Variants in KIF2A observed in about 807,000 individuals in gnomAD.
KIF2A encodes kinesin-like protein KIF2A.
Under a neutral mutation model 100.2 loss-of-function variants are expected in KIF2A, and 22 were observed. The ratio of observed to expected loss-of-function variants is 0.22; its 90% CI spans 0.16 to 0.31. The LOEUF (loss-of-function observed/expected upper bound fraction) is 0.31. Among genes scored for constraint, KIF2A ranks in the 10% least tolerant of loss-of-function variants. The pLI is 1.00. For synonymous variants in KIF2A, 268 were observed against 285.9 expected (o/e 0.94, Z 0.63); for missense variants, 495 against 898.7 (o/e 0.55, Z 5.74).
intron 1 of KIF2A, among the ~76,000 whole-genome samples, chr5:62,314,346 C>T (rs1018280990): frequency 6.6e-6 from 1 of 151,952 alleles, no homozygotes; most frequent in Non-Finnish European, 1.5e-5. Context: ...TGACTGTAGC[C>T]CCAGCTACTC....
chr5:62,361,330 C>T lies in KIF2A; in HGVS notation c.961C>T (p.His321Tyr), dbSNP rs587777033. The T allele has an allele frequency of 6.3e-7, 1 of 1,595,036 alleles. No individual in the cohort carries two copies. The highest frequency in any genetic ancestry group is 1.7e-5 in the Admixed American group (1 of 59,090). ...AYGQTGSGKT[H>Y]TMGGDFSGKN... is the part of the protein sequence containing the mutation. The stretch of plus-strand genomic sequence containing the variant: ...TGGGCAGACTGGAAGTGGAAAAACT[C>T]ATGTAAGTAATTTATTAAAGTTACA... The change falls in exon 10 of 21, where the codon CAT (histidine) becomes TAT (tyrosine). Residue 321 changes from histidine (H) to tyrosine (Y), a missense_variant and splice_region_variant. His to Tyr is a moderately conservative substitution (Grantham distance 83). Transcript: ENST00000407818.
intron 14 of KIF2A, among the ~76,000 whole-genome samples, chr5:62,364,765 C>A (rs1263765170): frequency 6.6e-6 from 1 of 151,516 alleles, no homozygotes; most frequent in Admixed American, 6.6e-5. Context: ...TTTTTATTTT[C>A]TTGAATTAGC....
At chr5:62,317,969 G>A (rs1346754198) in intron 1 of KIF2A, among the ~76,000 whole-genome samples, 2 of 152,162 alleles carry the variant, frequency 1.3e-5, no homozygotes, top group East Asian at 1.9e-4. Context: ...AAATGCTATC[G>A]TAAGGATGTC....
At chr5:62,382,911 G>A (rs1459694976) in intron 20 of KIF2A, among the ~76,000 whole-genome samples, 1 of 150,866 alleles carries the variant, frequency 6.6e-6, no homozygotes, top group Non-Finnish European at 1.5e-5. Flanking sequence ...ACAGATGTGA[G>A]GCACCGAGCC....
rs1314218493 is a variant in KIF2A at position 62,385,728 on chromosome 5, G to T, written c.*159G>T. The T allele has an allele frequency of 3.3e-6, 2 of 601,658 alleles. No homozygotes were observed. The highest frequency in any genetic ancestry group is 5.6e-5 in the East Asian group (2 of 35,678). 37.3% of individuals were successfully genotyped at this position (601,658 alleles called of 1,614,324 possible). ...TTTCAATTTTGTGAAACACTCTTTT[G>T]TCTACAAAATGCTTCTAGTCCAGGA... is the stretch of plus-strand genomic sequence containing the variant. On this transcript the variant is annotated 3_prime_UTR_variant, in exon 21 of 21. Coordinates refer to ENST00000407818, the MANE Select transcript of KIF2A (RefSeq NM_001098511.3).
intron 1 of KIF2A, among the ~76,000 whole-genome samples, chr5:62,338,511 A>G (rs1172139042): frequency 2.0e-5 from 3 of 152,140 alleles, no homozygotes; most frequent in African/African-American, 7.2e-5. Context: ...GGTGGTCTCA[A>G]ACTCCTAATC....
chr5:62,362,196 C>T (rs1748446521), intron 11 of KIF2A: 1 of 158,634 alleles, frequency 6.3e-6, no homozygotes, highest in Non-Finnish European at 1.4e-5. Context: ...TTATGACCAC[C>T]TATAATTTTA....
intron 18 of KIF2A, among the ~76,000 whole-genome samples, chr5:62,376,388 A>G (rs189076827): frequency 3.8e-4 from 58 of 150,806 alleles, no homozygotes; most frequent in African/African-American, 1.4e-3. Flanking sequence ...GACACGCTCT[A>G]GAGATCGGAG....
chr5:62,364,422 A>G (rs913764910), intron 14 of KIF2A, among the ~76,000 whole-genome samples: 1 of 152,214 alleles, frequency 6.6e-6, no homozygotes, highest in Admixed American at 6.5e-5. Context: ...CTGGGATTAC[A>G]GGCGTGAGCC....
In KIF2A at chr5:62,310,525, G is replaced by C. The variant is rs983986335; in HGVS notation, c.64+3989G>C. The stretch of plus-strand genomic sequence containing the variant: ...AATCATTAGAATGACATCTTAGCTG[G>C]AAGTGAAACCTTCCATCTGTGCTCC... On this transcript the variant is annotated intron_variant, in intron 1 of 20. Transcript: ENST00000407818. 5.3e-5 allele frequency among the ~76,000 whole-genome samples: 8 copies of C among 152,076 alleles called. 1 individual carries two copies. The highest frequency in any genetic ancestry group is 4.6e-4 in the Admixed American group (7 of 15,262).
intron 6 of KIF2A, among the ~76,000 whole-genome samples, chr5:62,353,700 T>C (rs376999791): frequency 1.3e-5 from 2 of 152,166 alleles, no homozygotes; most frequent in African/African-American, 2.4e-5. Context: ...TAAAAATACA[T>C]TGGGAAAAAT....
Position 62,388,805 on chromosome 5 carries a change from C to T in KIF2A, c.*3236C>T. The T allele has an allele frequency of 1.7e-6, 1 of 584,204 alleles. No individual in the cohort carries two copies. Among genetic ancestry groups the T allele is most frequent in the South Asian group, 2.1e-5 (1 of 46,766 alleles). The allele number at this position is 584,204 out of a possible 1,614,324, so 36.2% of individuals were successfully genotyped here. Reference sequence around the variant, plus strand: ...GAAGATTATTATGAATAGATTGGACCAGCATTATATATTAAAAACTTTGAT... The same window carrying T: ...GAAGATTATTATGAATAGATTGGACTAGCATTATATATTAAAAACTTTGAT... On this transcript the variant is annotated 3_prime_UTR_variant, in exon 21 of 21. Coordinates refer to ENST00000407818, the MANE Select transcript of KIF2A (RefSeq NM_001098511.3).
chr5:62,384,741 A>C (rs766209260), intron 20 of KIF2A, among the ~76,000 whole-genome samples: 1 of 152,228 alleles, frequency 6.6e-6, no homozygotes, highest in Non-Finnish European at 1.5e-5. Flanking sequence ...ATCAAGAAAT[A>C]TATCATTTAG....
At chr5:62,375,354 T>C (rs1741494010) in intron 18 of KIF2A, among the ~76,000 whole-genome samples, 2 of 152,226 alleles carry the variant, frequency 1.3e-5, no homozygotes, top group African/African-American at 2.4e-5. Flanking sequence ...GCTTACTACA[T>C]GACATACATT....
chr5:62,369,118 TC>T (rs1741208240), intron 16 of KIF2A, among the ~76,000 whole-genome samples: 1 of 152,226 alleles, frequency 6.6e-6, no homozygotes, highest in South Asian at 2.1e-4. Context: ...ATCTAGCTGT[TC>T]CTCTAGTTCA....
At chr5:62,343,142 T>A (rs1246993273) in intron 1 of KIF2A, among the ~76,000 whole-genome samples, 1 of 152,176 alleles carries the variant, frequency 6.6e-6, no homozygotes, top group Admixed American at 6.5e-5. Flanking sequence ...CTCATCTGCT[T>A]CTCAGAGGAC....
Position 62,343,619 on chromosome 5 carries a change from T to A in KIF2A, c.65-3511T>A, listed in dbSNP as rs191125231. ...TTTGAGCAAAGGAGTAATATCTGACTCACTTTTTACCAGGAACATTTTGGC... is the reference window on the plus strand; with the variant it reads ...TTTGAGCAAAGGAGTAATATCTGACACACTTTTTACCAGGAACATTTTGGC... On this transcript the variant is annotated intron_variant, in intron 1 of 20. Coordinates refer to ENST00000407818, the MANE Select transcript of KIF2A (RefSeq NM_001098511.3). Among the ~76,000 whole-genome samples, 11 of 152,286 alleles carry A rather than the reference T, an allele frequency of 7.2e-5. No individual in the cohort carries two copies. The East Asian group carries it at 2.1e-3, about 29-fold the overall frequency.
chr5:62,387,958 A>G lies in KIF2A; in HGVS notation c.*2389A>G, dbSNP rs1275497503. 6.6e-6 allele frequency: 1 copy of G among 152,124 alleles called. No homozygotes were observed. The highest frequency in any genetic ancestry group is 1.5e-5 in the Non-Finnish European group (1 of 68,014). 9.4% of individuals were successfully genotyped at this position (152,124 alleles called of 1,614,324 possible). Reference sequence around the variant, plus strand: ...GTATTAAAAAAAGCCAAATATCAATAAAGATATTTTTATTAATTTTTTATA... The same window carrying G: ...GTATTAAAAAAAGCCAAATATCAATGAAGATATTTTTATTAATTTTTTATA... On this transcript the variant is annotated 3_prime_UTR_variant, in exon 21 of 21. Transcript: ENST00000407818.
At chr5:62,334,745 GT>G (rs1746847067) in intron 1 of KIF2A, among the ~76,000 whole-genome samples, 1 of 152,090 alleles carries the variant, frequency 6.6e-6, no homozygotes, top group Admixed American at 6.5e-5. Flanking sequence ...GTCTTCCATC[GT>G]TCAGGGTGTC....
Sources: gnomAD v4.1 joint callset for allele counts (sites outside exome capture counted in the v4.1 genomes callset) on GRCh38, gnomAD v4.1.1 for gene constraint, MANE v1.5 for transcripts, NCBI Gene and HGNC (gene_info 2026-07-23, HGNC 2026-07-21) for gene names.